Variants in TMEM132D observed in about 807,000 individuals in gnomAD.
TMEM132D encodes the protein mature OL transmembrane protein.
Under a neutral mutation model 62.3 loss-of-function variants are expected in TMEM132D, and 21 were observed. The observed-to-expected ratio is 0.34, with a 90% CI of 0.24 to 0.49. The LOEUF is 0.49. Among genes scored for constraint, TMEM132D ranks in the 20% least tolerant of loss-of-function variants. TMEM132D has a pLI of 0.99. For synonymous variants in TMEM132D, 621 were observed against 575.6 expected, an observed-to-expected ratio of 1.08 and a Z score of -1.13; for missense variants, 1,346 against 1,402.8, an observed-to-expected ratio of 0.96 and a Z score of 0.65.
chr12:129,089,094 C>T lies in TMEM132D; in HGVS notation c.1444-4392G>A, dbSNP rs1416189343. 4.7e-5 allele frequency among the ~76,000 whole-genome samples: 2 copies of T among 42,538 alleles called. 1 individual carries two copies. Among genetic ancestry groups the T allele is most frequent in the East Asian group, 3.4e-3 (2 of 594 alleles). 27.9% of individuals were successfully genotyped at this position (42,538 alleles called of 152,430 possible). A position where few individuals can be genotyped will look rare whatever the true frequency, so the allele number is the denominator to read the frequency against. The stretch of plus-strand genomic sequence containing the variant: ...CTATGACCGGGATGTCCTCCATGAC[C>T]GGGGTGTCCTCCATGACCGGGGTGT... On this transcript the variant is annotated intron_variant, in intron 5 of 8. Transcript: ENST00000422113.
chr12:129,514,238 T>C (rs1875608544), intron 3 of TMEM132D, among the ~76,000 whole-genome samples: 1 of 152,178 alleles, frequency 6.6e-6, no homozygotes, highest in Admixed American at 6.5e-5. Context: ...GCACCCATAA[T>C]TCTATCGCTG....
At chr12:129,601,606 T>C (rs1200893441) in intron 2 of TMEM132D, among the ~76,000 whole-genome samples, 1 of 152,162 alleles carries the variant, frequency 6.6e-6, no homozygotes, top group Non-Finnish European at 1.5e-5. Context: ...TAGAGACCAT[T>C]GTAGGGTAAT....
At chr12:129,824,460 A>G (rs1872610424) in intron 1 of TMEM132D, among the ~76,000 whole-genome samples, 1 of 151,818 alleles carries the variant, frequency 6.6e-6, no homozygotes, top group African/African-American at 2.4e-5. Flanking sequence ...CAGAATTCCT[A>G]TGTTGAAGCC....
intron 2 of TMEM132D, among the ~76,000 whole-genome samples, chr12:129,582,866 C>A (rs1423125650): frequency 6.6e-6 from 1 of 152,114 alleles, no homozygotes; most frequent in Admixed American, 6.5e-5. Context: ...CTCAGGTGAT[C>A]CACCCACCTC....
intron 4 of TMEM132D, among the ~76,000 whole-genome samples, chr12:129,324,066 C>T (rs1868815516): frequency 6.6e-6 from 1 of 152,098 alleles, no homozygotes; most frequent in Admixed American, 6.5e-5. Flanking sequence ...CCAGCTTCTG[C>T]TCCTTTCTAT....
Position 129,082,105 on chromosome 12 carries a change from G to A in TMEM132D, c.1650-73C>T, listed in dbSNP as rs2135617122. 3 of 1,521,410 alleles carry A rather than the reference G, an allele frequency of 2.0e-6. No homozygotes were observed. The South Asian group carries it at 3.8e-5, about 19-fold the overall frequency. 94.2% of individuals were successfully genotyped at this position (1,521,410 alleles called of 1,614,324 possible). A position where few individuals can be genotyped will look rare whatever the true frequency, so the allele number is the denominator to read the frequency against. On this transcript the variant is annotated intron_variant, in intron 6 of 8. Coordinates refer to ENST00000422113, the MANE Select transcript of TMEM132D (RefSeq NM_133448.3). ...TGTAAGGGGCCGTGTGTGGAGCCTGGTGGGGGCTGCAGAGGTAGGTAGGCC... is the reference window on the plus strand; with the variant it reads ...TGTAAGGGGCCGTGTGTGGAGCCTGATGGGGGCTGCAGAGGTAGGTAGGCC...
chr12:129,420,306 G>GTTTTTTTTTTTTTTTTTTTTTTTTTTTTT lies in TMEM132D; in HGVS notation c.1116-82490_1116-82489insAAAAAAAAAAAAAAAAAAAAAAAAAAAAA, dbSNP rs71082709. Among the ~76,000 whole-genome samples, 2 of 112,300 alleles carry GTTTTTTTTTTTTTTTTTTTTTTTTTTTTT rather than the reference G, an allele frequency of 1.8e-5. 1 individual carries two copies. The highest frequency in any genetic ancestry group is 8.0e-5 in the African/African-American group (2 of 24,904). The allele number at this position is 112,300 out of a possible 152,430, so 73.7% of individuals were successfully genotyped here. A position where few individuals can be genotyped will look rare whatever the true frequency, so the allele number is the denominator to read the frequency against. ...AATTTCAAATTATTGCACGTTCTCTGTTTTTTTTTTTTTTTTTTTTTTTTG... is the reference window on the plus strand; with the variant it reads ...AATTTCAAATTATTGCACGTTCTCTGTTTTTTTTTTTTTTTTTTTTTTTTTTTTTTTTTTTTTTTTTTTTTTTTTTTTTG... On this transcript the variant is annotated intron_variant, in intron 3 of 8. Coordinates refer to ENST00000422113, the MANE Select transcript of TMEM132D (RefSeq NM_133448.3).
At chr12:129,260,700 T>G (rs1248431485) in intron 4 of TMEM132D, among the ~76,000 whole-genome samples, 1 of 152,162 alleles carries the variant, frequency 6.6e-6, no homozygotes, top group African/African-American at 2.4e-5. Flanking sequence ...AAAGTTCATT[T>G]TATCATTCTT....
chr12:129,452,724 G>A lies in TMEM132D; in HGVS notation c.1115+78335C>T, dbSNP rs532024915. On this transcript the variant is annotated intron_variant, in intron 3 of 8. Coordinates refer to ENST00000422113, the MANE Select transcript of TMEM132D (RefSeq NM_133448.3). The stretch of plus-strand genomic sequence containing the variant: ...AGAAAAGAAAGAAGAAAGGAGGGGA[G>A]AGAGAGAGACAGAGAAAAGGGTAGG... Among the ~76,000 whole-genome samples the A allele has an allele frequency of 2.0e-5, 3 of 152,062 alleles. No individual in the cohort carries two copies. In the South Asian group the frequency reaches 6.3e-4, roughly 32 times the overall value.
chr12:129,529,166 T>TA (rs1876144445), intron 3 of TMEM132D, among the ~76,000 whole-genome samples: 1 of 151,926 alleles, frequency 6.6e-6, no homozygotes. Context: ...AGAAAAAAGA[T>TA]AAAAAAGGAA....
intron 1 of TMEM132D, among the ~76,000 whole-genome samples, chr12:129,889,084 G>A (rs775289611): frequency 6.6e-6 from 1 of 152,158 alleles, no homozygotes; most frequent in Non-Finnish European, 1.5e-5. Context: ...AAGCCATTTT[G>A]TCTAGATGAG....
At chr12:129,351,745 G>T (rs1869870617) in intron 3 of TMEM132D, among the ~76,000 whole-genome samples, 1 of 152,140 alleles carries the variant, frequency 6.6e-6, no homozygotes, top group African/African-American at 2.4e-5. Flanking sequence ...AATATATTGT[G>T]GTTGTGCTCT....
chr12:129,879,019 T>G (rs1164378251), intron 1 of TMEM132D, among the ~76,000 whole-genome samples: 1 of 152,222 alleles, frequency 6.6e-6, no homozygotes, highest in Non-Finnish European at 1.5e-5. Context: ...TTCCACTGTT[T>G]GACACACAGC....
intron 4 of TMEM132D, among the ~76,000 whole-genome samples, chr12:129,287,057 A>AG (rs1881321730): frequency 1.3e-5 from 2 of 151,382 alleles, no homozygotes; most frequent in African/African-American, 4.9e-5. Flanking sequence ...AAAAAAAAAA[A>AG]GGGAGAAAAG....
chr12:129,244,394 A>G (rs112009977), intron 4 of TMEM132D, among the ~76,000 whole-genome samples: 4 of 45,420 alleles, frequency 8.8e-5, no homozygotes, highest in Non-Finnish European at 1.2e-4. Context: ...TCAAAAAAAA[A>G]AAAAAAAAAA....
intron 5 of TMEM132D, among the ~76,000 whole-genome samples, chr12:129,099,283 T>C (rs1051145719): frequency 6.6e-6 from 1 of 152,186 alleles, no homozygotes; most frequent in African/African-American, 2.4e-5. Context: ...AACTCTGTGA[T>C]TTTCTCTCCA....
chr12:129,528,572 A>G (rs1876124967), intron 3 of TMEM132D, among the ~76,000 whole-genome samples: 1 of 152,238 alleles, frequency 6.6e-6, no homozygotes, highest in South Asian at 2.1e-4. Context: ...TTCTTGGGAC[A>G]TAGTGTGCTC....
At chr12:129,190,594 G>A (rs1226294951) in intron 5 of TMEM132D, among the ~76,000 whole-genome samples, 1 of 151,332 alleles carries the variant, frequency 6.6e-6, no homozygotes, top group African/African-American at 2.4e-5. Context: ...GGGGTCTGGG[G>A]CCTGTAGATG....
chr12:129,163,163 G>A (rs1030408821), intron 5 of TMEM132D, among the ~76,000 whole-genome samples: 1 of 152,204 alleles, frequency 6.6e-6, no homozygotes, highest in Non-Finnish European at 1.5e-5. Context: ...AATAAGGCAG[G>A]TGTGCCCTTA....
Sources: allele counts gnomAD v4.1 joint callset (sites outside exome capture counted in the v4.1 genomes callset), GRCh38; gene constraint gnomAD v4.1.1; transcripts MANE v1.5; gene names NCBI Gene and HGNC (gene_info 2026-07-23, HGNC 2026-07-21).